Variants in TNRC18 observed in about 807,000 individuals in gnomAD.
TNRC18 encodes the protein trinucleotide repeat-containing gene 18 protein.
In TNRC18, 69 loss-of-function variants were observed where a neutral mutation model predicts 226.7. The ratio of observed to expected loss-of-function variants is 0.30; its 90% CI spans 0.25 to 0.37. The LOEUF is 0.37. TNRC18 is among the 10% of genes least tolerant of loss of function. TNRC18 has a pLI of 1.00. For missense variants in TNRC18, 4,754 were observed against 4,256.6 expected (o/e 1.12, Z -3.25); for synonymous variants, 2,449 against 1,927.6 (o/e 1.27, Z -7.09).
At chr7:5,363,558 G>A (rs371760696) in intron 11 of TNRC18, among the ~76,000 whole-genome samples, 1 of 151,976 alleles carries the variant, frequency 6.6e-6, no homozygotes. Context: ...AAGCCGAGAT[G>A]GCGCCACTGC....
intron 18 of TNRC18, among the ~76,000 whole-genome samples, chr7:5,334,758 C>G (rs935922706): frequency 6.6e-6 from 1 of 152,024 alleles, no homozygotes; most frequent in East Asian, 1.9e-4. Context: ...ACCTGGCGTA[C>G]GTAATCCTTC....
intron 11 of TNRC18, among the ~76,000 whole-genome samples, chr7:5,364,511 A>ACACG (rs1793421202): frequency 7.2e-6 from 1 of 138,734 alleles, no homozygotes; most frequent in Non-Finnish European, 1.6e-5. Context: ...ACACACACAC[A>ACACG]CACGATCTCA....
Position 5,324,120 on chromosome 7 carries a change from C to T in TNRC18, c.6442+94G>A, listed in dbSNP as rs1439081335. 10 of 1,392,288 alleles carry T rather than the reference C, an allele frequency of 7.2e-6. No individual in the cohort carries two copies. Among genetic ancestry groups the T allele is most frequent in the Non-Finnish European group, 9.6e-6 (10 of 1,039,850 alleles). 86.2% of individuals were successfully genotyped at this position (1,392,288 alleles called of 1,614,324 possible). The stretch of plus-strand genomic sequence containing the variant: ...CTGTGGTTCCCTGCCCCCAGCTAGC[C>T]CAGCCCTTCAGTCTCAAGCCTTGCT... On this transcript the variant is annotated intron_variant, in intron 21 of 29. Transcript: ENST00000430969. This position sits in a 1 kb window ranked among gnomAD's most constrained non-coding sequence, Gnocchi z 4.8.
Position 5,376,117 on chromosome 7 carries a change from G to A in TNRC18, c.2716C>T (p.His906Tyr). ...AGGAACTCCTGCTGCCGCAGGAAGT[G>A]CTGCTGTGAGAAGAGCTGCAGCTGC... ...AQQLQLFSQQHFLRQQEFLYL... is the reference protein window; with the variant it reads ...AQQLQLFSQQYFLRQQEFLYL... Residue 906 changes from histidine (H) to tyrosine (Y), a missense_variant, in exon 9 of 30, where the codon CAC (histidine) becomes TAC (tyrosine). His to Tyr is a moderately conservative substitution (Grantham distance 83). Coordinates refer to ENST00000430969, the MANE Select transcript of TNRC18 (RefSeq NM_001080495.3). 1 of 1,590,990 alleles carries A rather than the reference G, an allele frequency of 6.3e-7. No homozygotes were observed. The highest frequency in any genetic ancestry group is 8.5e-7 in the Non-Finnish European group (1 of 1,169,662).
At position 5,357,310 on chromosome 7, in the gene TNRC18, T is replaced by C. The variant is rs772807054; in HGVS notation, c.4834-34A>G. 8 of 1,580,850 alleles carry C rather than the reference T, an allele frequency of 5.1e-6. No individual in the cohort carries two copies. The South Asian group carries it at 9.3e-5, about 18-fold the overall frequency. ...GGAAGGTGGGTCATGGGTTAAAAGA[T>C]CTGACAAAACAGTATAGTGGGTTTC... On this transcript the variant is annotated intron_variant, in intron 15 of 29. Transcript: ENST00000430969.
intron 15 of TNRC18, among the ~76,000 whole-genome samples, chr7:5,357,552 G>A (rs894009990): frequency 2.0e-5 from 3 of 152,104 alleles, no homozygotes; most frequent in African/African-American, 7.2e-5. Flanking sequence ...GCTGGGAGTC[G>A]CAAGTCACTG....
At chr7:5,345,517 G>GTCCCCCCCCCCCCC in intron 18 of TNRC18, 45 bp downstream of exon 18, 2 of 377,744 alleles carry the variant, frequency 5.3e-6, no homozygotes, top group South Asian at 4.4e-5. Context: ...AATGGCGTCC[G>GTCCCCCCCCCCCCC]CCCCTCCCAC....
chr7:5,308,454 A>T, intron 29 of TNRC18, 142 bp from the exon 30 acceptor site: 1 of 749,198 alleles, frequency 1.3e-6, no homozygotes, highest in Non-Finnish European at 2.2e-6. Context: ...GAGGCTGAGT[A>T]AGAGACAGAC....
At chr7:5,401,774 A>G (rs1781107949) in intron 2 of TNRC18, among the ~76,000 whole-genome samples, 2 of 152,152 alleles carry the variant, frequency 1.3e-5, no homozygotes, top group South Asian at 4.1e-4. Flanking sequence ...TATGCTGCAC[A>G]TCGGAGGTAC....
In TNRC18 at chr7:5,324,375, G is replaced by T; in HGVS notation, c.6301-20C>A. The T allele has an allele frequency of 1.2e-6, 2 of 1,612,012 alleles. No homozygotes were observed. Among genetic ancestry groups the T allele is most frequent in the East Asian group, 4.5e-5 (2 of 44,880 alleles). On this transcript the variant is annotated intron_variant, in intron 20 of 29. Transcript: ENST00000430969. This position sits in a 1 kb window ranked among gnomAD's most constrained non-coding sequence, Gnocchi z 4.8. Reference sequence around the variant, plus strand: ...GCGGTTCTGGGGACAGAACATGGCCGACAAATGACTTAGGACCTGAACAGG... The same window carrying T: ...GCGGTTCTGGGGACAGAACATGGCCTACAAATGACTTAGGACCTGAACAGG...
At chr7:5,416,109 C>T (rs1562643279) in intron 2 of TNRC18, among the ~76,000 whole-genome samples, 1 of 113,404 alleles carries the variant, frequency 8.8e-6, no homozygotes, top group African/African-American at 3.5e-5. Context: ...AAGACTCTCT[C>T]GCAAAAAAAA....
rs1420460609 is a variant in TNRC18, at chr7:5,389,315, G to T, written c.509C>A (p.Ala170Glu). 3 of 1,279,146 alleles carry T rather than the reference G, an allele frequency of 2.3e-6. No individual in the cohort carries two copies. In the African/African-American group the frequency reaches 4.6e-5, roughly 20 times the overall value. 79.2% of individuals were successfully genotyped at this position (1,279,146 alleles called of 1,614,324 possible). The change falls in exon 5 of 30, where the codon GCG becomes GAG. Residue 170 changes from alanine (A) to glutamate (E), a missense_variant. Coordinates refer to ENST00000430969, the MANE Select transcript of TNRC18 (RefSeq NM_001080495.3). ...AGAGTGCAGGGAGCCCGGAGCCCCC[G>T]CGGTGGGCAGGTAGAAACCGTCTGC... ...PGGDGFYLPTAGAPGSLHSHA... is the reference protein window; with the variant it reads ...PGGDGFYLPTEGAPGSLHSHA...
intron 26 of TNRC18, among the ~76,000 whole-genome samples, chr7:5,314,780 C>T (rs1179291906): frequency 6.6e-6 from 1 of 152,030 alleles, no homozygotes; most frequent in Admixed American, 6.6e-5. Flanking sequence ...ACCACATTGG[C>T]CAGACTGGTC....
intron 2 of TNRC18, among the ~76,000 whole-genome samples, chr7:5,414,295 T>C (rs1466966804): frequency 6.6e-6 from 1 of 150,400 alleles, no homozygotes; most frequent in Non-Finnish European, 1.5e-5. Flanking sequence ...CTCCCATAAA[T>C]ATATATATTA....
At chr7:5,323,774 G>A (rs937515977) in intron 21 of TNRC18, among the ~76,000 whole-genome samples, 5 of 151,948 alleles carry the variant, frequency 3.3e-5, no homozygotes, top group African/African-American at 1.2e-4. Context: ...CACCATGTTG[G>A]CCAGGCTGGT....
At chr7:5,375,751 C>T (rs181606034) in intron 9 of TNRC18, among the ~76,000 whole-genome samples, 3 of 152,300 alleles carry the variant, frequency 2.0e-5, no homozygotes, top group Non-Finnish European at 4.4e-5. Flanking sequence ...TCCCCAGTCC[C>T]CAAGGCCACC....
At chr7:5,335,604 AG>A (rs1790019806) in intron 18 of TNRC18, among the ~76,000 whole-genome samples, 1 of 62,464 alleles carries the variant, frequency 1.6e-5, no homozygotes, top group African/African-American at 4.9e-5. Context: ...GACTCCGTCT[AG>A]AAAAAAAAAA....
rs1453878506 is a variant in TNRC18 at position 5,388,141 on chromosome 7, C to T, written c.1683G>A (p.Ser561=). 6.4e-7 allele frequency: 1 copy of T among 1,560,020 alleles called. No homozygotes were observed. The highest frequency in any genetic ancestry group is 8.7e-7 in the Non-Finnish European group (1 of 1,153,812). ...CGACCGGCCGGCCGCAGGTGGCCGC[C>T]GAGCGGGGCAGCACAGCCCCAGGGT... ...YLDPGAVLPR[S]AATCGRPVAD... The change falls in exon 5 of 30, where the codon TCG becomes TCA. Residue 561 remains serine (S), a synonymous_variant. Coordinates refer to ENST00000430969, the MANE Select transcript of TNRC18 (RefSeq NM_001080495.3).
chr7:5,374,144 C>T lies in TNRC18; in HGVS notation c.3140G>A (p.Arg1047His), dbSNP rs572535796. The T allele has an allele frequency of 1.6e-4, 187 of 1,190,880 alleles. 2 individuals are homozygous for T. The highest frequency in any genetic ancestry group is 1.0e-3 in the South Asian group (66 of 64,516). The allele number at this position is 1,190,880 out of a possible 1,614,324, so 73.8% of individuals were successfully genotyped here. A position where few individuals can be genotyped will look rare whatever the true frequency, so the allele number is the denominator to read the frequency against. Reference protein sequence around the residue: ...ASPPPTPGITRKEEAPENVVE... With the variant: ...ASPPPTPGITHKEEAPENVVE... Reference sequence around the variant, plus strand: ...CACATTCTCGGGAGCCTCCTCCTTGCGGGTGATACCCGGGGTGGGCGGTGG... The same window carrying T: ...CACATTCTCGGGAGCCTCCTCCTTGTGGGTGATACCCGGGGTGGGCGGTGG... Residue 1047 changes from arginine to histidine, a missense_variant, in exon 10 of 30, where the codon CGC becomes CAC. Arg to His is a conservative substitution (Grantham distance 29, BLOSUM62 0). Coordinates refer to ENST00000430969, the MANE Select transcript of TNRC18 (RefSeq NM_001080495.3).
Sources: allele counts gnomAD v4.1 joint callset (sites outside exome capture counted in the v4.1 genomes callset), GRCh38; gene constraint gnomAD v4.1.1; non-coding constraint Gnocchi (gnomAD v3.1); transcripts MANE v1.5; gene names NCBI Gene and HGNC (gene_info 2026-07-23, HGNC 2026-07-21).